Variants in LOC112694756 observed in about 807,000 individuals in gnomAD.
At chr16:30,069,463 C>T in the LOC112694756 span, 2 of 1,614,018 alleles carry the variant, frequency 1.2e-6, no homozygotes, top group Non-Finnish European at 1.7e-6. Context: ...TCCTCTCCTC[C>T]ACCCCACTAC....
chr16:30,065,509 G>A, the LOC112694756 span, among the ~76,000 whole-genome samples: 2 of 152,204 alleles, frequency 1.3e-5, no homozygotes, highest in African/African-American at 4.8e-5. Context: ...CGCCAGGCTG[G>A]GGGAAAGGAG....
At chr16:30,062,642 G>A in the LOC112694756 span, among the ~76,000 whole-genome samples, 1 of 151,224 alleles carries the variant, frequency 6.6e-6, no homozygotes, top group African/African-American at 2.4e-5. Context: ...AGGAATTCAA[G>A]ACCAGCCTGG....
the LOC112694756 span, among the ~76,000 whole-genome samples, chr16:30,061,548 C>CG: frequency 1.5e-5 from 1 of 65,566 alleles, no homozygotes; most frequent in Non-Finnish European, 2.9e-5. Context: ...CCTCCATTTC[C>CG]TTTTTTTTTT....
the LOC112694756 span, chr16:30,067,748 T>G: frequency 5.3e-4 from 801 of 1,516,024 alleles, 3 homozygotes; most frequent in East Asian, 0.015. Flanking sequence ...GAATGCTGGA[T>G]TGGTGGCCTA....
the LOC112694756 span, among the ~76,000 whole-genome samples, chr16:30,059,532 T>C: frequency 2.0e-5 from 3 of 149,818 alleles, no homozygotes; most frequent in African/African-American, 5.0e-5. Flanking sequence ...ATATCTCTCT[T>C]TCTTTTTTTT....
chr16:30,058,635 G>A, the LOC112694756 span, among the ~76,000 whole-genome samples: 3 of 151,894 alleles, frequency 2.0e-5, no homozygotes, highest in African/African-American at 4.8e-5. Flanking sequence ...ACAGGTGCCC[G>A]CCACCACACC....
the LOC112694756 span, chr16:30,067,313 C>T: frequency 6.2e-7 from 1 of 1,613,342 alleles, no homozygotes; most frequent in Non-Finnish European, 8.5e-7. Flanking sequence ...TCTGACATCG[C>T]TCACCGCATC....
chr16:30,065,326 C>T, the LOC112694756 span, among the ~76,000 whole-genome samples: 1 of 152,224 alleles, frequency 6.6e-6, no homozygotes, highest in Non-Finnish European at 1.5e-5. Flanking sequence ...TATGGTGACA[C>T]GCGCTGCAGC....
At chr16:30,059,301 T>G in the LOC112694756 span, among the ~76,000 whole-genome samples, 3 of 151,708 alleles carry the variant, frequency 2.0e-5, no homozygotes, top group Non-Finnish European at 4.4e-5. Flanking sequence ...TTCGAGACCA[T>G]CCTGGCTAAC....
the LOC112694756 span, among the ~76,000 whole-genome samples, chr16:30,057,567 T>G: frequency 1.3e-5 from 2 of 152,158 alleles, no homozygotes; most frequent in Non-Finnish European, 2.9e-5. Flanking sequence ...TTCCCTAGGA[T>G]GGAAGGGGAG....
the LOC112694756 span, chr16:30,064,276 C>T: frequency 2.5e-6 from 1 of 394,384 alleles, no homozygotes; most frequent in Non-Finnish European, 4.5e-6. Context: ...ATCTACTCTC[C>T]TTCTTAAAAA....
At chr16:30,069,701 A>C in the LOC112694756 span, 2 of 1,612,624 alleles carry the variant, frequency 1.2e-6, no homozygotes, top group East Asian at 4.5e-5. Context: ...CTTGATCTCT[A>C]TGCAGTAGAT....
At chr16:30,063,797 C>G in the LOC112694756 span, 21 of 399,412 alleles carry the variant, frequency 5.3e-5, no homozygotes, top group African/African-American at 3.7e-4. Context: ...AGCTCCCCGA[C>G]TGCCAGAGCC....
the LOC112694756 span, among the ~76,000 whole-genome samples, chr16:30,063,267 G>A: frequency 3.3e-5 from 5 of 152,162 alleles, no homozygotes; most frequent in African/African-American, 7.2e-5. Flanking sequence ...TGGTGAATGA[G>A]ACCCTCTATT....
chr16:30,059,137 GT>G, the LOC112694756 span: 1 of 396,210 alleles, frequency 2.5e-6, no homozygotes, highest in Admixed American at 4.4e-5. Flanking sequence ...TCTTTTACAA[GT>G]TCTCATATGA....
At chr16:30,055,342 T>C in the LOC112694756 span, 1 of 399,144 alleles carries the variant, frequency 2.5e-6, no homozygotes, top group African/African-American at 2.1e-5. Flanking sequence ...GTTCCATTCC[T>C]ACCCCCTGCC....
chr16:30,070,304 C>T, the LOC112694756 span: 3 of 1,225,584 alleles, frequency 2.4e-6, no homozygotes, highest in Admixed American at 3.5e-5. Context: ...TCCAGGCTGG[C>T]TTGCCCGCGC....
At chr16:30,066,601 T>C in the LOC112694756 span, among the ~76,000 whole-genome samples, 3 of 152,180 alleles carry the variant, frequency 2.0e-5, no homozygotes, top group Non-Finnish European at 4.4e-5. Context: ...TAATGCCCCT[T>C]TCCTACCACC....
chr16:30,068,572 C>CA, the LOC112694756 span: 4 of 1,540,672 alleles, frequency 2.6e-6, no homozygotes, highest in Admixed American at 3.4e-5. Context: ...CACTGTACTC[C>CA]AGCCGGGGCG....
Sources: allele counts gnomAD v4.1 joint callset (sites outside exome capture counted in the v4.1 genomes callset), GRCh38; gene constraint gnomAD v4.1.1; transcripts MANE v1.5.